OTOA: variants seen among roughly 807,000 people sequenced by gnomAD.
OTOA encodes cancer/testis antigen 108.
A neutral mutation model predicts 110.8 loss-of-function variants in OTOA; 70 were observed. The ratio of observed to expected loss-of-function variants is 0.63; its 90% confidence interval spans 0.52 to 0.77. The LOEUF (loss-of-function observed/expected upper bound fraction) is 0.77, where lower values mean the gene tolerates loss of function less well. OTOA is among the 30% of genes least tolerant of loss of function. OTOA has a pLI of 0.00. For missense variants in OTOA, 917 were observed against 1,075.8 expected (o/e 0.85, Z 2.06); for synonymous variants, 373 against 431.5 (o/e 0.86, Z 1.68).
intron 12 of OTOA, among the ~76,000 whole-genome samples, chr16:21,707,617 C>CTTTCTTTCTT (rs1597827295): frequency 1.1e-5 from 1 of 90,032 alleles, no homozygotes; most frequent in East Asian, 3.0e-4. Flanking sequence ...TTCTTTCTTT[C>CTTTCTTTCTT]TTTCTTTCTT....
chr16:21,725,507 C>T lies in OTOA; in HGVS notation c.1881-1016C>T, dbSNP rs559781343. Among the ~76,000 whole-genome samples, 18 of 152,196 alleles carry T rather than the reference C, an allele frequency of 1.2e-4. No individual in the cohort carries two copies. The South Asian group carries it at 2.9e-3, about 25-fold the overall frequency. On this transcript the variant is annotated intron_variant, in intron 18 of 28. Transcript: ENST00000646100. ...TTCACCATGTCGCTCAGGCTGGTCT[C>T]AAACTCCTGATCTCAGGTGACCCAC...
At chr16:21,684,755 TATTA>T (rs1407851796) in intron 6 of OTOA, among the ~76,000 whole-genome samples, 7 of 76,958 alleles carry the variant, frequency 9.1e-5, no homozygotes, top group African/African-American at 2.1e-4. Flanking sequence ...TTATTATTAT[TATTA>T]TTATTATTTT....
At chr16:21,758,664 C>T (rs1196462801) in intron 28 of OTOA, among the ~76,000 whole-genome samples, 2 of 149,916 alleles carry the variant, frequency 1.3e-5, no homozygotes, top group Non-Finnish European at 3.0e-5. Flanking sequence ...CACTTGAAAA[C>T]ATAAATCATG....
intron 7 of OTOA, among the ~76,000 whole-genome samples, chr16:21,687,038 G>A (rs1325742230): frequency 6.6e-6 from 1 of 152,226 alleles, no homozygotes; most frequent in Non-Finnish European, 1.5e-5. Context: ...CCACATAAGG[G>A]AGGGAAATCT....
chr16:21,744,289 G>A (rs1372181176), intron 23 of OTOA, among the ~76,000 whole-genome samples: 23 of 152,316 alleles, frequency 1.5e-4, no homozygotes, highest in African/African-American at 2.4e-4. Context: ...ACAGATGTGC[G>A]CCACCATGCA....
At chr16:21,692,984 G>A (rs1043823163) in intron 9 of OTOA, among the ~76,000 whole-genome samples, 1 of 151,452 alleles carries the variant, frequency 6.6e-6, no homozygotes, top group Non-Finnish European at 1.5e-5. Flanking sequence ...GCCAAGTGCG[G>A]TGGCTTACAC....
At position 21,722,808 on chromosome 16, in the gene OTOA, C is replaced by T. The variant is rs188146028; in HGVS notation, c.1807-97C>T. 1.1e-4 allele frequency: 123 copies of T among 1,077,936 alleles called. 1 individual carries two copies. The highest frequency in any genetic ancestry group is 1.0e-4 in the Non-Finnish European group (73 of 696,148). The allele number at this position is 1,077,936 out of a possible 1,614,324, so 66.8% of individuals were successfully genotyped here. ...GGGTGCTCTATTGCATAAATGAACA[C>T]GTATGAAGCACTTAGAATAGTACCT... On this transcript the variant is annotated intron_variant, in intron 17 of 28. Coordinates refer to ENST00000646100, the MANE Select transcript of OTOA (RefSeq NM_144672.4).
At chr16:21,758,805 C>T (rs1357350379) in intron 28 of OTOA, among the ~76,000 whole-genome samples, 1 of 151,462 alleles carries the variant, frequency 6.6e-6, no homozygotes, top group Non-Finnish European at 1.5e-5. Context: ...GTTTTGAGAC[C>T]AGCCTGGCCA....
intron 13 of OTOA, among the ~76,000 whole-genome samples, chr16:21,712,610 A>G (rs1172397828): frequency 6.6e-6 from 1 of 151,776 alleles, no homozygotes; most frequent in African/African-American, 2.4e-5. Context: ...GGAGGCCGAG[A>G]CAGGCAGATC....
At chr16:21,717,992 G>A (rs540475329) in intron 15 of OTOA, among the ~76,000 whole-genome samples, 32 of 152,070 alleles carry the variant, frequency 2.1e-4, no homozygotes, top group South Asian at 1.9e-3. Context: ...AGTCTCTCTC[G>A]GTCACCCAGG....
intron 18 of OTOA, among the ~76,000 whole-genome samples, chr16:21,723,672 A>C (rs149804238): frequency 1.3e-5 from 2 of 152,154 alleles, no homozygotes; most frequent in African/African-American, 2.4e-5. Context: ...TTTTTTGTTC[A>C]GGTAACTGGA....
Position 21,701,002 on chromosome 16 carries a change from A to G in OTOA, c.955A>G (p.Met319Val), listed in dbSNP as rs867166656. 4 of 1,614,158 alleles carry G rather than the reference A, an allele frequency of 2.5e-6. No homozygotes were observed. In the African/African-American group the frequency reaches 4.0e-5, roughly 16 times the overall value. ...LERISSSNFN[M>V]RNTSTIHRLG... ...GAGGATCAGCTCCTCCAACTTTAAC[A>G]TGAGGAATACCTCCACCATCCACAG... The change falls in exon 11 of 29, where the codon ATG (methionine) becomes GTG (valine). Residue 319 changes from methionine to valine, a missense_variant. Met to Val is a conservative substitution (Grantham distance 21, BLOSUM62 1). Coordinates refer to ENST00000646100, the MANE Select transcript of OTOA (RefSeq NM_144672.4).
At chr16:21,705,534 G>A in intron 12 of OTOA, 6 of 576,464 alleles carry the variant, frequency 1.0e-5, no homozygotes, top group Non-Finnish European at 1.8e-5. Context: ...TCTCAGCCAG[G>A]CGCGGTGGCT....
At chr16:21,734,639 G>T (rs371264232) in intron 21 of OTOA, among the ~76,000 whole-genome samples, 2 of 152,088 alleles carry the variant, frequency 1.3e-5, no homozygotes, top group African/African-American at 2.4e-5. Context: ...GATTGAGACC[G>T]TCCTGGCTAA....
intron 20 of OTOA, 135 bp downstream of exon 20, chr16:21,728,566 G>A (rs1236744102): frequency 4.4e-6 from 5 of 1,129,288 alleles, no homozygotes; most frequent in Non-Finnish European, 6.1e-6. Flanking sequence ...TTTTGGAAAT[G>A]TGACCTTTCT....
intron 21 of OTOA, 74 bp from the exon 22 acceptor site, chr16:21,736,187 T>C: frequency 7.1e-7 from 1 of 1,406,866 alleles, no homozygotes; most frequent in Non-Finnish European, 1.0e-6. Flanking sequence ...AGTGTGACAG[T>C]TTCAACTCTA....
At chr16:21,708,601 C>T (rs553451695) in intron 12 of OTOA, among the ~76,000 whole-genome samples, 3 of 152,154 alleles carry the variant, frequency 2.0e-5, no homozygotes, top group Non-Finnish European at 2.9e-5. Context: ...GTAGTCCACC[C>T]CTTCGTTTTA....
intron 1 of OTOA, among the ~76,000 whole-genome samples, chr16:21,676,474 A>C (rs749245028): frequency 6.6e-6 from 1 of 152,108 alleles, no homozygotes; most frequent in African/African-American, 2.4e-5. Flanking sequence ...TTGGCCTATC[A>C]TGGAGGCAAT....
At chr16:21,752,625 C>G in intron 26 of OTOA, 120 bp downstream of exon 26, 1 of 235,456 alleles carries the variant, frequency 4.2e-6, no homozygotes, top group Non-Finnish European at 8.1e-6. Flanking sequence ...GTAGAACCTA[C>G]ATTTCATGAT....
Sources: gnomAD v4.1 joint callset for allele counts (sites outside exome capture counted in the v4.1 genomes callset) on GRCh38, gnomAD v4.1.1 for gene constraint, MANE v1.5 for transcripts, NCBI Gene and HGNC (gene_info 2026-07-23, HGNC 2026-07-21) for gene names.